IGSF10: variants seen among roughly 807,000 people sequenced by gnomAD.
IGSF10 encodes the protein calvaria mechanical force protein 608.
IGSF10 carries 126 observed loss-of-function variants against 128.2 expected under a neutral mutation model. That is an observed-to-expected ratio of 0.98 (90% CI 0.85 to 1.14). The LOEUF (loss-of-function observed/expected upper bound fraction) is 1.14, where lower values mean the gene tolerates loss of function less well. IGSF10 is among the 50% of genes most tolerant of loss of function. The pLI, the probability that IGSF10 is intolerant of heterozygous loss-of-function variation, is 0.00. For synonymous variants in IGSF10, 1,185 were observed against 1,146.2 expected, an observed-to-expected ratio of 1.03 and a Z score of -0.68; for missense variants, 3,295 against 3,149.8, an observed-to-expected ratio of 1.05 and a Z score of -1.10.
At chr3:151,615,909 CACTTACCA>C in the IGSF10 span, among the ~76,000 whole-genome samples, 1 of 151,094 alleles carries the variant, frequency 6.6e-6, no homozygotes, top group Non-Finnish European at 1.5e-5. Context: ...TTTATTTATC[CACTTACCA>C]AATATTTATT....
the IGSF10 span, among the ~76,000 whole-genome samples, chr3:151,597,687 C>T: frequency 2.2e-4 from 33 of 152,194 alleles, no homozygotes; most frequent in Admixed American, 1.4e-3. Context: ...GAGGCTGAGG[C>T]GGGTGGATCA....
At chr3:151,455,428 A>G (rs1238874421) in intron 4 of IGSF10, among the ~76,000 whole-genome samples, 1 of 151,450 alleles carries the variant, frequency 6.6e-6, no homozygotes, top group Non-Finnish European at 1.5e-5. Context: ...TTTCTAATAA[A>G]CTTTATTTTG....
In IGSF10 at chr3:151,445,746, G is replaced by C. The variant is rs1721147656; in HGVS notation, c.4235C>G (p.Ser1412Ter). 6.2e-7 allele frequency: 1 copy of C among 1,614,042 alleles called. No homozygotes were observed. Among genetic ancestry groups the C allele is most frequent in the Non-Finnish European group, 8.5e-7 (1 of 1,180,040 alleles). Residue 1412 changes from serine to a stop codon, truncating the protein, a stop_gained, in exon 6 of 8, where the codon TCA (serine) becomes TGA (stop). Coordinates refer to ENST00000282466, the MANE Select transcript of IGSF10 (RefSeq NM_178822.5). LOFTEE classifies it high-confidence loss of function. ...CACATCTGTCAGATTAAGAGTTCTTGAATGAAAACTGATTGTGCTTGAAAT... is the reference window on the plus strand; with the variant it reads ...CACATCTGTCAGATTAAGAGTTCTTCAATGAAAACTGATTGTGCTTGAAAT... ...TGISSTISFH[S>*]RTLNLTDVIE... is the part of the protein sequence containing the mutation.
At chr3:151,462,162 A>G (rs1722086490), upstream of IGSF10, among the ~76,000 whole-genome samples, 1 of 152,192 alleles carries the variant, frequency 6.6e-6, no homozygotes, top group Admixed American at 6.5e-5. Flanking sequence ...CTGAGTTAAC[A>G]TAACTAAAAT....
the IGSF10 span, among the ~76,000 whole-genome samples, chr3:151,550,623 G>GGT: frequency 5.3e-5 from 8 of 152,026 alleles, no homozygotes; most frequent in Admixed American, 5.2e-4. Context: ...CTTTTTTTTA[G>GGT]GTGTATTTAG....
At chr3:151,562,116 G>A in the IGSF10 span, among the ~76,000 whole-genome samples, 1 of 152,088 alleles carries the variant, frequency 6.6e-6, no homozygotes, top group East Asian at 1.9e-4. Context: ...CAAGATACAA[G>A]TCATAAAGAC....
At chr3:151,499,088 A>T in the IGSF10 span, among the ~76,000 whole-genome samples, 1 of 152,168 alleles carries the variant, frequency 6.6e-6, no homozygotes, top group Non-Finnish European at 1.5e-5. Flanking sequence ...GTTTTCCTGC[A>T]CATCTGCAGA....
the IGSF10 span, among the ~76,000 whole-genome samples, chr3:151,606,501 C>T: frequency 6.6e-6 from 1 of 152,318 alleles, no homozygotes; most frequent in South Asian, 2.1e-4. Flanking sequence ...TACAACATGA[C>T]TTTGCTCCCT....
At position 151,458,539 on chromosome 3, in the gene IGSF10, G is replaced by T; in HGVS notation, c.171C>A (p.Pro57=). 6.2e-7 allele frequency: 1 copy of T among 1,613,902 alleles called. No homozygotes were observed. ...YLTSIPDSIP[P]NVERINLGYN... ...ACCCTAAATTGATGCGTTCCACATT[G>T]GGCGGGATGCTGTCTGGGATGGAAG... Residue 57 remains proline (P), a synonymous_variant, in exon 3 of 8, where the codon CCC becomes CCA. Coordinates refer to ENST00000282466, the MANE Select transcript of IGSF10 (RefSeq NM_178822.5).
the IGSF10 span, among the ~76,000 whole-genome samples, chr3:151,494,709 C>T: frequency 2.0e-5 from 3 of 152,060 alleles, no homozygotes. Context: ...TTCATAGATT[C>T]TGTCAAAAAT....
At chr3:151,550,386 G>C in the IGSF10 span, among the ~76,000 whole-genome samples, 1 of 152,042 alleles carries the variant, frequency 6.6e-6, no homozygotes, top group Non-Finnish European at 1.5e-5. Context: ...TTATTTTTAA[G>C]TGTTCTTGTG....
the IGSF10 span, among the ~76,000 whole-genome samples, chr3:151,466,531 T>G: frequency 6.6e-6 from 1 of 152,206 alleles, no homozygotes; most frequent in Admixed American, 6.5e-5. Context: ...CTCCAGCTAA[T>G]TTTATGTATA....
At chr3:151,441,117 T>C (rs9866874) in intron 7 of IGSF10, among the ~76,000 whole-genome samples, 19,838 of 152,208 alleles carry the variant, frequency 0.13, 1,659 homozygotes, top group East Asian at 0.39. Flanking sequence ...ACAATGCTAA[T>C]GCTACTGGTA....
the IGSF10 span, among the ~76,000 whole-genome samples, chr3:151,508,953 T>A: frequency 0.86 from 130,430 of 152,230 alleles, 56,098 homozygotes; most frequent in Middle Eastern, 0.95. Context: ...CACAGAAATA[T>A]GCACATTTCC....
upstream of IGSF10, chr3:151,461,379 C>A: frequency 1.0e-6 from 1 of 985,324 alleles, no homozygotes; most frequent in African/African-American, 1.7e-5. Flanking sequence ...GGTCCTGTGG[C>A]TCCCAAAGTT....
intron 7 of IGSF10, chr3:151,440,850 A>G (rs930669684): frequency 3.5e-6 from 1 of 286,716 alleles, no homozygotes; most frequent in Non-Finnish European, 7.2e-6. Context: ...CTCAATGAAG[A>G]TCCCTCATCA....
At position 151,438,094 on chromosome 3, in the gene IGSF10, C is replaced by G. The variant is rs1302881328; in HGVS notation, c.6467G>C (p.Gly2156Ala). The change falls in exon 8 of 8, where the codon GGA becomes GCA. Residue 2156 changes from glycine (G) to alanine (A), a missense_variant. Gly to Ala is a moderately conservative substitution (Grantham distance 60, BLOSUM62 0). Transcript: ENST00000282466. The stretch of plus-strand genomic sequence containing the variant: ...CTCACAGTCAAGGACAGCTGTGTCT[C>G]CAGCTTTGATTCTCTTGTTGGTTTT... The part of the protein sequence containing the change: ...SNKTNKRIKA[G>A]DTAVLDCEVT... 1 of 1,614,180 alleles carries G rather than the reference C, an allele frequency of 6.2e-7. No individual in the cohort carries two copies. Among genetic ancestry groups the G allele is most frequent in the East Asian group, 2.2e-5 (1 of 44,874 alleles).
chr3:151,505,674 C>G, the IGSF10 span, among the ~76,000 whole-genome samples: 2 of 152,304 alleles, frequency 1.3e-5, no homozygotes, highest in South Asian at 4.1e-4. Flanking sequence ...ATGAACAACA[C>G]TGCACTGAAT....
the IGSF10 span, among the ~76,000 whole-genome samples, chr3:151,571,482 A>G: frequency 4.8e-4 from 73 of 152,206 alleles, no homozygotes; most frequent in African/African-American, 1.8e-3. Flanking sequence ...CTTTGTTGCA[A>G]TTGTGAATGG....
Sources: allele counts gnomAD v4.1 joint callset (sites outside exome capture counted in the v4.1 genomes callset), GRCh38; gene constraint gnomAD v4.1.1; transcripts MANE v1.5; gene names NCBI Gene and HGNC (gene_info 2026-07-23, HGNC 2026-07-21).